Variants in PDE11A observed in about 807,000 individuals in gnomAD.
The protein encoded by PDE11A is dual 3',5'-cyclic-AMP and -GMP phosphodiesterase 11A.
A neutral mutation model predicts 100.5 loss-of-function variants in PDE11A; 100 were observed. That is an observed-to-expected ratio of 1.00 (90% confidence interval 0.85 to 1.18). The LOEUF is 1.18. PDE11A is among the 50% of genes most tolerant of loss of function. PDE11A has a pLI of 0.00. For missense variants in PDE11A, 1,141 were observed against 1,152.6 expected (o/e 0.99, Z 0.15); for synonymous variants, 381 against 420.8 (o/e 0.91, Z 1.16).
At position 178,005,047 on chromosome 2, in the gene PDE11A, G is replaced by C. The variant is rs552085659; in HGVS notation, c.1071+9255C>G. ...GTTTCCACATACTCTGCAGGATCTA[G>C]GTAAGGTAGTTTGCAGTTACCAGGA... On this transcript the variant is annotated intron_variant, in intron 2 of 19. Transcript: ENST00000286063. Among the ~76,000 whole-genome samples the C allele has an allele frequency of 5.3e-5, 8 of 152,006 alleles. No individual in the cohort carries two copies. In the South Asian group the frequency reaches 1.7e-3, roughly 32 times the overall value.
intron 2 of PDE11A, among the ~76,000 whole-genome samples, chr2:177,979,852 C>T (rs544183850): frequency 2.7e-5 from 4 of 149,970 alleles, no homozygotes; most frequent in Admixed American, 6.6e-5. Flanking sequence ...CCTCATGATC[C>T]GCCTGCCTCA....
chr2:177,712,468 C>T (rs1255991025), intron 12 of PDE11A, among the ~76,000 whole-genome samples: 1 of 151,346 alleles, frequency 6.6e-6, no homozygotes, highest in East Asian at 2.0e-4. Flanking sequence ...AGATGAAATT[C>T]ATACAGATAA....
intron 9 of PDE11A, among the ~76,000 whole-genome samples, chr2:177,815,393 T>C (rs187250669): frequency 2.8e-4 from 42 of 152,356 alleles, no homozygotes; most frequent in Admixed American, 2.6e-3. Flanking sequence ...GCTATACTAA[T>C]GATTCTTATC....
At chr2:177,874,247 C>A (rs571692260) in intron 5 of PDE11A, among the ~76,000 whole-genome samples, 1 of 152,240 alleles carries the variant, frequency 6.6e-6, no homozygotes, top group African/African-American at 2.4e-5. Context: ...CCTTGGCTTT[C>A]TCCTTTATAA....
At chr2:177,635,388 C>T (rs1444681438) in intron 19 of PDE11A, among the ~76,000 whole-genome samples, 1 of 152,094 alleles carries the variant, frequency 6.6e-6, no homozygotes, top group African/African-American at 2.4e-5. Flanking sequence ...ATGTTCCTTC[C>T]AGTTCCCTCC....
At chr2:177,909,426 C>G (rs2084843163) in intron 2 of PDE11A, among the ~76,000 whole-genome samples, 1 of 152,094 alleles carries the variant, frequency 6.6e-6, no homozygotes, top group African/African-American at 2.4e-5. Flanking sequence ...CCCGTCAGGC[C>G]CTGGGTTAAT....
chr2:178,048,567 A>C (rs918855583), intron 1 of PDE11A, among the ~76,000 whole-genome samples: 50 of 152,140 alleles, frequency 3.3e-4, no homozygotes, highest in African/African-American at 1.1e-3. Flanking sequence ...GGGCATGCAC[A>C]ACCTAGCTCC....
chr2:177,973,279 C>A (rs374235334), intron 2 of PDE11A, among the ~76,000 whole-genome samples: 2 of 124,928 alleles, frequency 1.6e-5, no homozygotes, highest in African/African-American at 3.2e-5. Flanking sequence ...ACCTGGGAAG[C>A]GCAAGGGGTC....
intron 2 of PDE11A, among the ~76,000 whole-genome samples, chr2:177,948,191 T>C (rs1057452820): frequency 6.6e-6 from 1 of 152,218 alleles, no homozygotes; most frequent in African/African-American, 2.4e-5. Context: ...ATAGTTTATA[T>C]GCTTATTCTC....
chr2:177,863,689 G>T (rs1051497919), intron 5 of PDE11A, among the ~76,000 whole-genome samples: 1 of 143,152 alleles, frequency 7.0e-6, no homozygotes, highest in African/African-American at 2.5e-5. Flanking sequence ...GTCAAAAGAT[G>T]ACAAATGTTG....
intron 2 of PDE11A, among the ~76,000 whole-genome samples, chr2:177,956,388 A>G (rs895786436): frequency 2.6e-5 from 4 of 152,182 alleles, no homozygotes; most frequent in East Asian, 1.9e-4. Flanking sequence ...TAGAATGGCA[A>G]TCATTAAAAA....
chr2:178,033,053 C>T (rs542206778), intron 1 of PDE11A, among the ~76,000 whole-genome samples: 8 of 152,264 alleles, frequency 5.3e-5, no homozygotes, highest in Admixed American at 1.3e-4. Flanking sequence ...ATGAGTTTGA[C>T]GAACTGACAG....
At chr2:177,749,303 T>C (rs776474010) in intron 10 of PDE11A, among the ~76,000 whole-genome samples, 2 of 152,116 alleles carry the variant, frequency 1.3e-5, no homozygotes, top group Non-Finnish European at 2.9e-5. Flanking sequence ...CCTCAGACTG[T>C]TGGGATCAAG....
chr2:177,922,617 G>A (rs1207074351), intron 2 of PDE11A: 4 of 892,486 alleles, frequency 4.5e-6, no homozygotes, highest in Non-Finnish European at 5.4e-6. Flanking sequence ...ACTGAGTCCG[G>A]CTAATTTTAC....
chr2:177,655,060 G>C (rs1181169308), intron 19 of PDE11A, among the ~76,000 whole-genome samples: 11 of 152,084 alleles, frequency 7.2e-5, no homozygotes, highest in Non-Finnish European at 1.6e-4. Flanking sequence ...ACGTATGTTG[G>C]TCAGCTGGAT....
chr2:177,970,680 G>T (rs1012802672), intron 2 of PDE11A, among the ~76,000 whole-genome samples: 5 of 152,106 alleles, frequency 3.3e-5, no homozygotes, highest in Non-Finnish European at 7.4e-5. Flanking sequence ...GCATAAAAGT[G>T]TTAGTTGAAA....
intron 4 of PDE11A, chr2:177,888,673 CCT>C: frequency 1.0e-6 from 1 of 974,060 alleles, no homozygotes. Context: ...ACTTTAAGGC[CCT>C]AGTTCAGTTC....
chr2:178,059,332 A>C (rs2086938537), intron 1 of PDE11A, among the ~76,000 whole-genome samples: 1 of 151,746 alleles, frequency 6.6e-6, no homozygotes, highest in Admixed American at 6.6e-5. Context: ...GGATGTCCCC[A>C]CCCCAGGCCG....
chr2:177,768,294 T>C (rs1165337620), intron 10 of PDE11A, among the ~76,000 whole-genome samples: 1 of 152,134 alleles, frequency 6.6e-6, no homozygotes, highest in Non-Finnish European at 1.5e-5. Context: ...ACATCTTCCT[T>C]TGCTCCCTTT....
Sources: gnomAD v4.1 joint callset for allele counts (sites outside exome capture counted in the v4.1 genomes callset) on GRCh38, gnomAD v4.1.1 for gene constraint, MANE v1.5 for transcripts, NCBI Gene and HGNC (gene_info 2026-07-23, HGNC 2026-07-21) for gene names.